NUP210: variants seen among roughly 807,000 people sequenced by gnomAD.
NUP210 encodes nuclear pore membrane glycoprotein 210.
NUP210 carries 151 observed loss-of-function variants against 196.0 expected under a neutral mutation model. The observed-to-expected ratio is 0.77, with a 90% CI of 0.67 to 0.88. The LOEUF (loss-of-function observed/expected upper bound fraction) is 0.88. NUP210 is among the 40% of genes least tolerant of loss of function. NUP210 has a pLI of 0.00. For missense variants in NUP210, 2,314 were observed against 2,493.7 expected (o/e 0.93, Z 1.53); for synonymous variants, 1,070 against 1,052.7 (o/e 1.02, Z -0.32).
Position 13,365,546 on chromosome 3 carries a change from G to A in NUP210, c.1932+400C>T, listed in dbSNP as rs139446924. The stretch of plus-strand genomic sequence containing the variant: ...TCAGCATCTGCCATACCACACGGCC[G>A]CTGTCCTAATTCTAGGGCTCTGTGG... On this transcript the variant is annotated intron_variant, in intron 14 of 39. Transcript: ENST00000254508. Among the ~76,000 whole-genome samples, 511 of 152,346 alleles carry A rather than the reference G, an allele frequency of 3.4e-3. 5 individuals are homozygous for A. The highest frequency in any genetic ancestry group is 0.012 in the African/African-American group (492 of 41,578).
chr3:13,397,265 AGAG>A, intron 3 of NUP210, 89 bp downstream of exon 3: 3 of 1,462,062 alleles, frequency 2.1e-6, no homozygotes, highest in Non-Finnish European at 2.8e-6. Flanking sequence ...GTTGGATGCC[AGAG>A]GAGTGGGGAA....
intron 1 of NUP210, among the ~76,000 whole-genome samples, chr3:13,416,013 G>C (rs1700337906): frequency 6.6e-6 from 1 of 152,176 alleles, no homozygotes. Flanking sequence ...GGACTCCCCA[G>C]GGGTCATCTG....
chr3:13,395,345 C>T (rs1699617886), intron 3 of NUP210, among the ~76,000 whole-genome samples: 1 of 152,198 alleles, frequency 6.6e-6, no homozygotes, highest in African/African-American at 2.4e-5. Flanking sequence ...ACACACTGCA[C>T]CCAGGAATCT....
Position 13,347,743 on chromosome 3 carries a change from C to G in NUP210, c.2835+4136G>C, listed in dbSNP as rs1209600504. ...GCTGCTCTGCAGCTGGAAAAAGCCA[C>G]AGCCACGAGTAGACATCCCTCGGAA... is the stretch of plus-strand genomic sequence containing the variant. On this transcript the variant is annotated intron_variant, in intron 20 of 39. Coordinates refer to ENST00000254508, the MANE Select transcript of NUP210 (RefSeq NM_024923.4). The surrounding 1 kb of genome is among the most constrained non-coding windows in gnomAD (Gnocchi z 4.7). 1.3e-5 allele frequency among the ~76,000 whole-genome samples: 2 copies of G among 152,246 alleles called. No individual in the cohort carries two copies. The highest frequency in any genetic ancestry group is 2.4e-5 in the African/African-American group (1 of 41,468).
At chr3:13,419,643 G>A (rs1576437614) in intron 1 of NUP210, among the ~76,000 whole-genome samples, 1 of 152,200 alleles carries the variant, frequency 6.6e-6, no homozygotes, top group African/African-American at 2.4e-5. Flanking sequence ...CAGGGCGAGG[G>A]CGGTCACAGA....
In NUP210 at chr3:13,323,568, C is replaced by G; in HGVS notation, c.4645-136G>C. ...AGGTGGCAACACTGAGGCTCAAAGCCTAAACGCCTTGCTAGAATGTGGCAG... is the reference window on the plus strand; with the variant it reads ...AGGTGGCAACACTGAGGCTCAAAGCGTAAACGCCTTGCTAGAATGTGGCAG... On this transcript the variant is annotated intron_variant, in intron 33 of 39. Transcript: ENST00000254508. The surrounding 1 kb of genome is among the most constrained non-coding windows in gnomAD (Gnocchi z 4.3). 1 of 946,672 alleles carries G rather than the reference C, an allele frequency of 1.1e-6. No individual in the cohort carries two copies. The highest frequency in any genetic ancestry group is 1.7e-5 in the South Asian group (1 of 59,796). 58.6% of individuals were successfully genotyped at this position (946,672 alleles called of 1,614,324 possible). A position where few individuals can be genotyped will look rare whatever the true frequency, so the allele number is the denominator to read the frequency against.
At chr3:13,400,657 A>T (rs1377828597) in intron 1 of NUP210, among the ~76,000 whole-genome samples, 1 of 152,238 alleles carries the variant, frequency 6.6e-6, no homozygotes, top group Non-Finnish European at 1.5e-5. Context: ...CTGTCTACAG[A>T]CAGGCTCTCA....
At chr3:13,392,979 G>A (rs1369602292) in intron 3 of NUP210, among the ~76,000 whole-genome samples, 1 of 152,202 alleles carries the variant, frequency 6.6e-6, no homozygotes, top group African/African-American at 2.4e-5. Context: ...AGGGGAGCAT[G>A]GAGTCCCTAT....
intron 14 of NUP210, among the ~76,000 whole-genome samples, chr3:13,365,728 G>A (rs564273084): frequency 2.6e-5 from 4 of 152,334 alleles, no homozygotes; most frequent in South Asian, 4.1e-4. Context: ...GCTGTCTCGC[G>A]TAACCACAGA....
At chr3:13,373,963 C>G (rs751128069) in intron 11 of NUP210, 90 bp from the exon 12 acceptor site, 2 of 1,412,180 alleles carry the variant, frequency 1.4e-6, no homozygotes, top group Non-Finnish European at 2.0e-6. Flanking sequence ...TGTGCATGCA[C>G]GTACTCACAC....
At chr3:13,406,165 A>G (rs1017898688) in intron 1 of NUP210, among the ~76,000 whole-genome samples, 2 of 152,172 alleles carry the variant, frequency 1.3e-5, no homozygotes, top group Non-Finnish European at 2.9e-5. Context: ...ACTGAGGCAC[A>G]CCTCGGGGAA....
chr3:13,358,083 G>C, intron 16 of NUP210, 139 bp downstream of exon 16: 1 of 707,906 alleles, frequency 1.4e-6, no homozygotes, highest in Non-Finnish European at 2.3e-6. Context: ...CGTCCTCACA[G>C]GGCCAGTTGT....
At chr3:13,329,012 C>A in intron 30 of NUP210, 66 bp from the exon 31 acceptor site, 2 of 1,473,870 alleles carry the variant, frequency 1.4e-6, no homozygotes, top group South Asian at 1.2e-5. Flanking sequence ...GAAAACCCAC[C>A]TCCCAAGGAG....
intron 15 of NUP210, among the ~76,000 whole-genome samples, chr3:13,359,043 C>T (rs532828058): frequency 1.3e-5 from 2 of 151,618 alleles, no homozygotes; most frequent in African/African-American, 4.8e-5. Flanking sequence ...CAGGGCCCAT[C>T]TTGAGGTAGC....
intron 21 of NUP210, 111 bp downstream of exon 21, chr3:13,343,064 C>A: frequency 1.5e-6 from 2 of 1,313,376 alleles, no homozygotes; most frequent in East Asian, 2.3e-5. Flanking sequence ...GGAAGGGATG[C>A]AGACCACAGG....
intron 12 of NUP210, among the ~76,000 whole-genome samples, chr3:13,372,875 T>C (rs1241750319): frequency 2.0e-5 from 3 of 152,170 alleles, no homozygotes; most frequent in Non-Finnish European, 4.4e-5. Flanking sequence ...GCTGGGCTGC[T>C]GGGCGAACAG....
At position 13,405,558 on chromosome 3, in the gene NUP210, T is replaced by C. The variant is rs142656815; in HGVS notation, c.168-5697A>G. ...ATATAGCCTATTGAATATATGCATA[T>C]GAGCTATATATATATGACATATATG... On this transcript the variant is annotated intron_variant, in intron 1 of 39. Transcript: ENST00000254508. Among the ~76,000 whole-genome samples, 417 of 152,266 alleles carry C rather than the reference T, an allele frequency of 2.7e-3. 3 individuals carry two copies. The highest frequency in any genetic ancestry group is 9.8e-3 in the African/African-American group (408 of 41,518).
At position 13,340,033 on chromosome 3, in the gene NUP210, C is replaced by T. The variant is rs1697398299; in HGVS notation, c.3292G>A (p.Val1098Ile). The T allele has an allele frequency of 6.2e-7, 1 of 1,613,604 alleles. No homozygotes were observed. The highest frequency in any genetic ancestry group is 2.2e-5 in the East Asian group (1 of 44,860). Reference protein sequence around the residue: ...VTLLIGATMQVTSEGGPQPQS... With the variant: ...VTLLIGATMQITSEGGPQPQS... ...GGCTGGGGGCCGCCCTCGGAGGTGA[C>T]CTGAGCGGGGAGGAAACAGCGGCGT... Residue 1098 changes from valine to isoleucine, a missense_variant and splice_region_variant, in exon 25 of 40, where the codon GTC becomes ATC. Val to Ile is a conservative substitution (Grantham distance 29, BLOSUM62 3). Coordinates refer to ENST00000254508, the MANE Select transcript of NUP210 (RefSeq NM_024923.4). The surrounding 1 kb of genome is among the most constrained non-coding windows in gnomAD (Gnocchi z 4.0).
rs1287064476 is a variant in NUP210, at chr3:13,316,551, T to A, written c.*1130A>T. 6.6e-6 allele frequency: 1 copy of A among 152,266 alleles called. No individual in the cohort carries two copies. Among genetic ancestry groups the A allele is most frequent in the Non-Finnish European group, 1.5e-5 (1 of 68,076 alleles). The allele number at this position is 152,266 out of a possible 1,614,324, so 9.4% of individuals were successfully genotyped here. A position where few individuals can be genotyped will look rare whatever the true frequency, so the allele number is the denominator to read the frequency against. On this transcript the variant is annotated 3_prime_UTR_variant, in exon 40 of 40. Transcript: ENST00000254508. ...GAATCTCAGATCCAGAATCAGGAGC[T>A]GGGAAGAGAGGACTTTTCCAAGGGT...
Sources: gnomAD v4.1 joint callset for allele counts (sites outside exome capture counted in the v4.1 genomes callset) on GRCh38, gnomAD v4.1.1 for gene constraint, Gnocchi (gnomAD v3.1) non-coding constraint, MANE v1.5 for transcripts, NCBI Gene and HGNC (gene_info 2026-07-23, HGNC 2026-07-21) for gene names.